Variants in SLC35D1 observed in about 807,000 individuals in gnomAD.
SLC35D1 encodes solute carrier family 35 member D1.
SLC35D1 carries 31 observed loss-of-function variants against 46.7 expected under a neutral mutation model. The observed-to-expected ratio is 0.66, with a 90% CI of 0.50 to 0.90. SLC35D1 has a LOEUF of 0.90. Among genes scored for constraint, SLC35D1 ranks in the 40% least tolerant of loss-of-function variants. The pLI is 0.00. For missense variants in SLC35D1, 397 were observed against 426.2 expected (o/e 0.93, Z 0.60); for synonymous variants, 195 against 164.6 (o/e 1.18, Z -1.41).
rs111752207 is a variant in SLC35D1 at position 67,021,573 on chromosome 1, G to A, written c.759C>T (p.Thr253=). 1.2e-5 allele frequency: 20 copies of A among 1,613,838 alleles called. No individual in the cohort carries two copies. In the African/African-American group the frequency reaches 1.5e-4, roughly 12 times the overall value. The change falls in exon 9 of 12, where the codon ACC becomes ACT. Residue 253 remains threonine (T), a synonymous_variant. Transcript: ENST00000235345. ...AGAGGGTGAACTGCAGAAGAAAGAG[G>A]GTGTCAGCCCAGCCTTCAAACTCCA... The part of the protein sequence containing the change: ...KAVEFEGWAD[T]LFLLQFTLSC...
the SLC35D1 span, among the ~76,000 whole-genome samples, chr1:66,981,253 AC>A: frequency 6.6e-6 from 1 of 152,198 alleles, no homozygotes; most frequent in Non-Finnish European, 1.5e-5. Context: ...ACAGGATAAA[AC>A]CAGCAGATAA....
intron 7 of SLC35D1, among the ~76,000 whole-genome samples, chr1:67,045,382 C>T (rs751844643): frequency 1.3e-5 from 2 of 152,284 alleles, no homozygotes; most frequent in South Asian, 2.1e-4. Context: ...GTTGCCCTTA[C>T]GGCTGTTTAA....
Position 67,001,392 on chromosome 1 carries a change from A to G in SLC35D1, c.*2948T>C, listed in dbSNP as rs1480729743. On this transcript the variant is annotated 3_prime_UTR_variant, in exon 12 of 12. Transcript: ENST00000235345. ...AGTCCACAGCCACATGAGGCAATTA[A>G]AACTCAACGGGACATGCTGGCAATG... is the stretch of plus-strand genomic sequence containing the variant. 1 of 152,380 alleles carries G rather than the reference A, an allele frequency of 6.6e-6. No homozygotes were observed. The highest frequency in any genetic ancestry group is 6.5e-5 in the Admixed American group (1 of 15,286). The allele number at this position is 152,380 out of a possible 1,614,324, so 9.4% of individuals were successfully genotyped here.
chr1:67,030,598 T>A (rs75246100), intron 8 of SLC35D1, among the ~76,000 whole-genome samples: 3 of 151,934 alleles, frequency 2.0e-5, no homozygotes, highest in South Asian at 2.1e-4. Flanking sequence ...TTTTTTTTTT[T>A]ATCAGTGACC....
intron 4 of SLC35D1, among the ~76,000 whole-genome samples, chr1:67,050,905 A>T (rs1437222002): frequency 6.6e-6 from 1 of 152,140 alleles, no homozygotes; most frequent in Non-Finnish European, 1.5e-5. Context: ...CCTTTTGTGG[A>T]TGTAATTTTG....
chr1:67,025,105 C>G (rs554129790), intron 8 of SLC35D1, among the ~76,000 whole-genome samples: 14 of 152,242 alleles, frequency 9.2e-5, no homozygotes, highest in African/African-American at 3.4e-4. Flanking sequence ...CCACCCTACT[C>G]CCGTATGACC....
At chr1:67,010,550 A>T (rs1667542682) in intron 10 of SLC35D1, among the ~76,000 whole-genome samples, 1 of 152,166 alleles carries the variant, frequency 6.6e-6, no homozygotes, top group African/African-American at 2.4e-5. Context: ...AACAAAAAAT[A>T]AGTTTCTAAA....
Position 67,020,376 on chromosome 1 carries a change from C to G in SLC35D1, c.869G>C (p.Cys290Ser). Residue 290 changes from cysteine to serine, a missense_variant, in exon 10 of 12, where the codon TGT becomes TCT. Cys to Ser is a moderately radical substitution (Grantham distance 112). Transcript: ENST00000235345. The stretch of plus-strand genomic sequence containing the variant: ...CAGTATTTTTCTACTTACCTTAATA[C>G]AGCCAACTATTGTAGTTGTAAGAGC... ...NSALTTTIVG[C>S]IKNILITYIG... 1 of 1,598,212 alleles carries G rather than the reference C, an allele frequency of 6.3e-7. No homozygotes were observed. The highest frequency in any genetic ancestry group is 8.6e-7 in the Non-Finnish European group (1 of 1,165,662).
chr1:66,984,292 G>C, the SLC35D1 span, among the ~76,000 whole-genome samples: 2 of 152,154 alleles, frequency 1.3e-5, no homozygotes, highest in South Asian at 4.1e-4. Flanking sequence ...GCCAAATTCT[G>C]TTCTTAGTTC....
chr1:67,035,730 TGG>T lies in SLC35D1; in HGVS notation c.729+6504_729+6505del, dbSNP rs1668108393. Reference sequence around the variant, plus strand: ...ATTATTTCTTTTCTTCTACTAATTTTGGGTTTGGAACCCAAAAGAACTTGCTT... The same window carrying T: ...ATTATTTCTTTTCTTCTACTAATTTTGTTTGGAACCCAAAAGAACTTGCTT... On this transcript the variant is annotated intron_variant, in intron 8 of 11. Coordinates refer to ENST00000235345, the MANE Select transcript of SLC35D1 (RefSeq NM_015139.3). Among the ~76,000 whole-genome samples, 4 of 151,824 alleles carry T rather than the reference TGG, an allele frequency of 2.6e-5. No homozygotes were observed. The South Asian group carries it at 8.3e-4, about 31-fold the overall frequency.
intron 5 of SLC35D1, 112 bp from the exon 6 acceptor site, chr1:67,049,962 T>A: frequency 1.2e-6 from 1 of 806,402 alleles, no homozygotes; most frequent in Non-Finnish European, 2.1e-6. Flanking sequence ...AATCGTATTT[T>A]AAACATTTCT....
chr1:67,023,779 G>A (rs1667861144), intron 8 of SLC35D1, among the ~76,000 whole-genome samples: 1 of 150,974 alleles, frequency 6.6e-6, no homozygotes, highest in Non-Finnish European at 1.5e-5. Context: ...CAAAAGAGGT[G>A]CCCGGCCTCT....
intron 10 of SLC35D1, among the ~76,000 whole-genome samples, chr1:67,010,187 G>A (rs770657905): frequency 2.0e-5 from 3 of 152,144 alleles, no homozygotes; most frequent in Non-Finnish European, 2.9e-5. Flanking sequence ...GCTGCTTGAG[G>A]TGGGAGGGTA....
chr1:66,992,126 T>C, the SLC35D1 span, among the ~76,000 whole-genome samples: 2 of 152,226 alleles, frequency 1.3e-5, no homozygotes, highest in African/African-American at 2.4e-5. Context: ...AACAAACCTA[T>C]GGCTGGATAT....
At chr1:67,023,298 T>C (rs773824651) in intron 8 of SLC35D1, among the ~76,000 whole-genome samples, 1 of 152,192 alleles carries the variant, frequency 6.6e-6, no homozygotes, top group Non-Finnish European at 1.5e-5. Flanking sequence ...ACCAGCACTA[T>C]ATAAGAGCTC....
chr1:66,980,588 T>G, the SLC35D1 span, among the ~76,000 whole-genome samples: 1 of 152,200 alleles, frequency 6.6e-6, no homozygotes, highest in Non-Finnish European at 1.5e-5. Flanking sequence ...TTCCACTGTT[T>G]CCTTCTTATT....
chr1:67,033,420 T>C lies in SLC35D1; in HGVS notation c.729+8816A>G, dbSNP rs1570630502. ...TGCCTGACTTTTGGTTAAAAACCTT[T>C]TTAACTAAGGTGAGATGATATCTCA... On this transcript the variant is annotated intron_variant, in intron 8 of 11. Coordinates refer to ENST00000235345, the MANE Select transcript of SLC35D1 (RefSeq NM_015139.3). Among the ~76,000 whole-genome samples the C allele has an allele frequency of 3.3e-5, 5 of 152,334 alleles. No individual in the cohort carries two copies. In the South Asian group the frequency reaches 1.0e-3, roughly 32 times the overall value.
rs375368439 is a variant in SLC35D1, at chr1:67,053,900, G to T, written c.114C>A (p.Thr38=). 2 of 1,613,780 alleles carry T rather than the reference G, an allele frequency of 1.2e-6. No individual in the cohort carries two copies. The highest frequency in any genetic ancestry group is 1.1e-5 in the South Asian group (1 of 91,072). ...ELGMASAETL[T]VFLKLLAAGF... The stretch of plus-strand genomic sequence containing the variant: ...CGGCGGCCAGCAGCTTCAGAAACAC[G>T]GTCAGCGTTTCGGCCGACGCCATCC... The change falls in exon 1 of 12, where the codon ACC becomes ACA. Residue 38 remains threonine, a synonymous_variant. Coordinates refer to ENST00000235345, the MANE Select transcript of SLC35D1 (RefSeq NM_015139.3).
rs756647661 is a variant in SLC35D1 at position 67,004,315 on chromosome 1, C to G, written c.*25G>C. 1 of 1,596,586 alleles carries G rather than the reference C, an allele frequency of 6.3e-7. No individual in the cohort carries two copies. Among genetic ancestry groups the G allele is most frequent in the South Asian group, 1.1e-5 (1 of 90,720 alleles). The stretch of plus-strand genomic sequence containing the variant: ...TGAGTTGATTAAAAACTTAGGCCTA[C>G]GTATCAGATGAAGCAATCCTCTGGT... On this transcript the variant is annotated 3_prime_UTR_variant, in exon 12 of 12. Transcript: ENST00000235345.
Sources: allele counts gnomAD v4.1 joint callset (sites outside exome capture counted in the v4.1 genomes callset), GRCh38; gene constraint gnomAD v4.1.1; transcripts MANE v1.5; gene names NCBI Gene and HGNC (gene_info 2026-07-23, HGNC 2026-07-21).